Variants in TDRKH observed in about 807,000 individuals in gnomAD.
TDRKH encodes the protein tudor and KH domain-containing protein.
In TDRKH, 28 loss-of-function variants were observed where a neutral mutation model predicts 61.3. That is an observed-to-expected ratio of 0.46 (90% CI 0.34 to 0.63). The LOEUF (loss-of-function observed/expected upper bound fraction) is 0.63, where lower values mean the gene tolerates loss of function less well. Ranked by LOEUF, TDRKH falls within the 20% of genes least tolerant of loss-of-function variation. The pLI is 0.01. For synonymous variants in TDRKH, 219 were observed against 244.4 expected, an observed-to-expected ratio of 0.90 and a Z score of 0.97; for missense variants, 540 against 683.4, an observed-to-expected ratio of 0.79 and a Z score of 2.34.
chr1:151,774,895 T>A, intron 11 of TDRKH, 89 bp from the exon 12 acceptor site: 1 of 1,479,976 alleles, frequency 6.8e-7, no homozygotes, highest in South Asian at 1.2e-5. Flanking sequence ...TAGGACCTGG[T>A]TAAGGCAGTT....
chr1:151,772,714 A>G (rs1161197258), downstream of TDRKH, among the ~76,000 whole-genome samples: 2 of 151,120 alleles, frequency 1.3e-5, no homozygotes, highest in Middle Eastern at 3.2e-3. Flanking sequence ...AATTTTGCAA[A>G]AAGTTTACAG....
At chr1:151,775,972 A>G in intron 8 of TDRKH, 88 bp from the exon 9 acceptor site, 1 of 1,574,440 alleles carries the variant, frequency 6.4e-7, no homozygotes, top group African/African-American at 1.4e-5. Context: ...CTAACATGAG[A>G]CGATAACCAT....
chr1:151,770,060 CAGAGGGAGACCGTGGAGAGAGAGGG>C (rs1174287881), downstream of TDRKH: 10 of 1,558,490 alleles, frequency 6.4e-6, no homozygotes, highest in East Asian at 2.3e-5. Flanking sequence ...TTGGTGGCAT[CAGAGGGAGACCGTGGAGAGAGAGGG>C]AGAGGGAGAC....
At chr1:151,772,762 T>A (rs1457167038), downstream of TDRKH, among the ~76,000 whole-genome samples, 1 of 152,242 alleles carries the variant, frequency 6.6e-6, no homozygotes, top group Non-Finnish European at 1.5e-5. Context: ...CAAGACTACA[T>A]GAGCTACTTA....
intron 6 of TDRKH, among the ~76,000 whole-genome samples, chr1:151,777,719 A>T (rs1303365056): frequency 3.1e-5 from 4 of 129,694 alleles, no homozygotes; most frequent in Non-Finnish European, 6.4e-5. Flanking sequence ...AAAATAGTTA[A>T]TTTTTTTTTT....
downstream of TDRKH, chr1:151,771,100 T>C (rs572558914): frequency 1.2e-6 from 2 of 1,601,450 alleles, no homozygotes; most frequent in South Asian, 1.1e-5. Context: ...GGCCTTCAGC[T>C]ACATGGGCTT....
intron 1 of TDRKH, among the ~76,000 whole-genome samples, chr1:151,790,014 C>T (rs557210896): frequency 6.6e-6 from 1 of 152,258 alleles, no homozygotes; most frequent in East Asian, 1.9e-4. Flanking sequence ...ATCCTATTAG[C>T]GATAACTAAA....
chr1:151,774,708 A>G lies in TDRKH; in HGVS notation c.1633+2T>C. On this transcript the variant is annotated splice_donor_variant, in intron 12 of 12. Transcript: ENST00000368824. LOFTEE classifies it high-confidence loss of function. ...GCTCTAGGGAGGAAATACTGCTTGT[A>G]CCTGATAAGCTGAGGCAGGACAGGG... 6.2e-7 allele frequency: 1 copy of G among 1,614,030 alleles called. No individual in the cohort carries two copies. Among genetic ancestry groups the G allele is most frequent in the Non-Finnish European group, 8.5e-7 (1 of 1,179,908 alleles).
At position 151,781,510 on chromosome 1, in the gene TDRKH, T is replaced by C. The variant is rs1183482317; in HGVS notation, c.202A>G (p.Ile68Val). The change falls in exon 3 of 13, where the codon ATT becomes GTT. Residue 68 changes from isoleucine to valine, a missense_variant. Physicochemically the swap from Ile to Val is conservative, Grantham distance 29. This residue lies in a region of TDRKH where 156 missense variants were observed against 218.0 expected (regional missense o/e 0.72). Transcript: ENST00000368824. ...TTAATATTGGCTCCTTGCCGGCCAA[T>C]GATGAGTTTCACAGCCTCCTGGGGA... Reference protein sequence around the residue: ...RVPQEAVKLIIGRQGANIKQL... With the variant: ...RVPQEAVKLIVGRQGANIKQL... 4.3e-6 allele frequency: 7 copies of C among 1,613,524 alleles called. No individual in the cohort carries two copies. Among genetic ancestry groups the C allele is most frequent in the Non-Finnish European group, 5.9e-6 (7 of 1,179,834 alleles).
chr1:151,787,208 CCT>C (rs908757649), intron 1 of TDRKH, among the ~76,000 whole-genome samples: 28 of 152,186 alleles, frequency 1.8e-4, no homozygotes, highest in African/African-American at 6.3e-4. Context: ...TCTTTTGTCC[CCT>C]GATTACTTTA....
downstream of TDRKH, chr1:151,770,979 T>C (rs192372329): frequency 2.1e-3 from 3,102 of 1,483,694 alleles, 1 homozygote; most frequent in Non-Finnish European, 2.6e-3. Context: ...ACTACACTGC[T>C]TCCCAGGGCC....
chr1:151,768,263 G>C (rs780796831), downstream of TDRKH: 15 of 1,589,582 alleles, frequency 9.4e-6, no homozygotes, highest in South Asian at 1.7e-4. Flanking sequence ...AGAATGGGGA[G>C]GGAATAGGTA....
At chr1:151,782,853 A>G (rs184176585) in intron 2 of TDRKH, 46 bp downstream of exon 2, 1 of 1,516,364 alleles carries the variant, frequency 6.6e-7, no homozygotes, top group Non-Finnish European at 8.8e-7. Context: ...ACAAGGCAGG[A>G]GCATGTCTGA....
intron 2 of TDRKH, 45 bp downstream of exon 2, chr1:151,782,854 G>A (rs749430016): frequency 2.6e-6 from 4 of 1,514,180 alleles, no homozygotes; most frequent in Non-Finnish European, 3.5e-6. Context: ...CAAGGCAGGA[G>A]CATGTCTGAA....
At chr1:151,781,303 G>T (rs1467933818) in intron 3 of TDRKH, among the ~76,000 whole-genome samples, 178 bp downstream of exon 3, 1 of 85,938 alleles carries the variant, frequency 1.2e-5, no homozygotes, top group Admixed American at 1.2e-4. Flanking sequence ...GACAACAAGA[G>T]CGAAACTCCA....
In TDRKH at chr1:151,778,668, C is replaced by T. The variant is rs777398073; in HGVS notation, c.883+17G>A. 5 of 1,609,052 alleles carry T rather than the reference C, an allele frequency of 3.1e-6. No individual in the cohort carries two copies. Among genetic ancestry groups the T allele is most frequent in the Non-Finnish European group, 4.2e-6 (5 of 1,177,724 alleles). ...TTCTATCTTCAATGATTAATGGGCT[C>T]CCTCTTTGTTACATACTTTCAAACA... On this transcript the variant is annotated intron_variant, in intron 6 of 12. Coordinates refer to ENST00000368824, the MANE Select transcript of TDRKH (RefSeq NM_001083965.2).
chr1:151,778,928 G>A lies in TDRKH; in HGVS notation c.640C>T (p.Arg214Cys), dbSNP rs200284470. The A allele has an allele frequency of 3.0e-5, 48 of 1,614,166 alleles. No individual in the cohort carries two copies. Among genetic ancestry groups the A allele is most frequent in the Non-Finnish European group, 3.7e-5 (44 of 1,180,040 alleles). Reference protein sequence around the residue: ...IAHSAETRVPRKQPISVRRED... With the variant: ...IAHSAETRVPCKQPISVRRED... ...CTTCTCACACTGATTGGCTGTTTGC[G>A]TGGGACCCTGGTTTCTGCAGAATGA... Residue 214 changes from arginine (R) to cysteine (C), a missense_variant, in exon 6 of 13, where the codon CGC (arginine) becomes TGC (cysteine). Physicochemically the swap from Arg to Cys is radical, Grantham distance 180. This residue lies in a region of TDRKH where 379 missense variants were observed against 443.8 expected (regional missense o/e 0.85). Coordinates refer to ENST00000368824, the MANE Select transcript of TDRKH (RefSeq NM_001083965.2).
chr1:151,781,328 A>AAAATATATATATAT (rs1491536697), intron 3 of TDRKH, among the ~76,000 whole-genome samples, 153 bp downstream of exon 3: 15 of 68,586 alleles, frequency 2.2e-4, no homozygotes, highest in Non-Finnish European at 4.4e-4. Flanking sequence ...AAAAAAAAAA[A>AAAATATATATATAT]ATATATATAT....
chr1:151,781,918 C>T, intron 2 of TDRKH: 3 of 449,342 alleles, frequency 6.7e-6, no homozygotes, highest in Non-Finnish European at 1.3e-5. Flanking sequence ...CCTGAGGGGT[C>T]CATTAGGCTC....
Sources: allele counts gnomAD v4.1 joint callset (sites outside exome capture counted in the v4.1 genomes callset), GRCh38; gene constraint gnomAD v4.1.1; regional missense constraint gnomAD v4.1.1; transcripts MANE v1.5; gene names NCBI Gene and HGNC (gene_info 2026-07-23, HGNC 2026-07-21).